The following HDAC4 variants were observed in gnomAD, a reference collection of about 807,000 sequenced individuals.
The protein encoded by HDAC4 is histone deacetylase A.
In HDAC4, 16 loss-of-function variants were observed where a neutral mutation model predicts 135.1. The ratio of observed to expected loss-of-function variants is 0.12; its 90% CI spans 0.08 to 0.18. The LOEUF is 0.18. Among genes scored for constraint, HDAC4 ranks in the 10% least tolerant of loss-of-function variants. The probability of loss-of-function intolerance (pLI) is 1.00; values close to 1 mark genes in which losing one functional copy is unlikely to be tolerated. For synonymous variants in HDAC4, 685 were observed against 653.4 expected, an observed-to-expected ratio of 1.05 and a Z score of -0.74; for missense variants, 1,143 against 1,511.8, an observed-to-expected ratio of 0.76 and a Z score of 4.05.
At chr2:239,264,839 C>T (rs908442939) in intron 2 of HDAC4, among the ~76,000 whole-genome samples, 2 of 152,218 alleles carry the variant, frequency 1.3e-5, no homozygotes, top group African/African-American at 2.4e-5. Flanking sequence ...GGTCCTGCCC[C>T]TTCCTTCCTA....
intron 1 of HDAC4, among the ~76,000 whole-genome samples, chr2:239,391,801 G>A (rs1001706994): frequency 5.3e-5 from 8 of 152,194 alleles, no homozygotes; most frequent in Non-Finnish European, 1.0e-4. Context: ...GAGGAACCAG[G>A]AGAAGGATAC....
intron 1 of HDAC4, among the ~76,000 whole-genome samples, chr2:239,384,764 C>T (rs1215124982): frequency 9.9e-5 from 15 of 152,232 alleles, no homozygotes; most frequent in Non-Finnish European, 2.1e-4. Context: ...CTGTCCCCTG[C>T]TTCTGATCCC....
Position 239,299,303 on chromosome 2 carries a change from T to C in HDAC4, c.22+53375A>G, listed in dbSNP as rs770589868. ...CTCATGATTGGTCCATCCTGTACAA[T>C]AGGTTTATTTGTTTTGTTTCAAATG... On this transcript the variant is annotated intron_variant, in intron 2 of 26. Coordinates refer to ENST00000543185, the MANE Select transcript of HDAC4 (RefSeq NM_001378414.1). The surrounding 1 kb of genome is among the most constrained non-coding windows in gnomAD (Gnocchi z 4.0). 2.6e-5 allele frequency among the ~76,000 whole-genome samples: 4 copies of C among 152,190 alleles called. No individual in the cohort carries two copies. The highest frequency in any genetic ancestry group is 5.9e-5 in the Non-Finnish European group (4 of 68,024).
intron 1 of HDAC4, among the ~76,000 whole-genome samples, chr2:239,378,658 C>A (rs1411470001): frequency 6.6e-6 from 1 of 152,042 alleles, no homozygotes; most frequent in Non-Finnish European, 1.5e-5. Context: ...GAACCAATGA[C>A]CCCGGGAACC....
rs548530744 is a variant in HDAC4, at chr2:239,365,720, G to A, written c.-219-12802C>T. On this transcript the variant is annotated intron_variant, in intron 1 of 26. Transcript: ENST00000543185. The stretch of plus-strand genomic sequence containing the variant: ...CCAGGGGACACACACAGACATGCAT[G>A]CACAGACCAGGGTCGTCAGGGTCAC... 5.9e-5 allele frequency among the ~76,000 whole-genome samples: 9 copies of A among 152,096 alleles called. No individual in the cohort carries two copies. The East Asian group carries it at 9.7e-4, about 16-fold the overall frequency.
At chr2:239,190,174 CGGGGGG>C in intron 3 of HDAC4, 97 bp from the exon 4 acceptor site, 1 of 1,070,328 alleles carries the variant, frequency 9.3e-7, no homozygotes, top group East Asian at 3.5e-5. Flanking sequence ...CTTCACGGGG[CGGGGGG>C]GGGGTTGTGA....
chr2:239,388,771 C>A (rs1696001465), intron 1 of HDAC4, among the ~76,000 whole-genome samples: 1 of 152,254 alleles, frequency 6.6e-6, no homozygotes, highest in Admixed American at 6.5e-5. Flanking sequence ...GGCTTCTCTG[C>A]ATCCAGCCAG....
rs947467497 is a variant in HDAC4, at chr2:239,247,524, G to A, written c.23-10860C>T. Among the ~76,000 whole-genome samples, 32 of 152,174 alleles carry A rather than the reference G, an allele frequency of 2.1e-4. 1 individual carries two copies. The highest frequency in any genetic ancestry group is 8.8e-5 in the Non-Finnish European group (6 of 68,036). On this transcript the variant is annotated intron_variant, in intron 2 of 26. Transcript: ENST00000543185. ...TGCTTCAGTGCCGCAGCCGGGGCCC[G>A]TGCCCTCCACGCCAGGGCATCTGAG...
At chr2:239,294,720 A>G (rs1197446854) in intron 2 of HDAC4, among the ~76,000 whole-genome samples, 3 of 150,564 alleles carry the variant, frequency 2.0e-5, no homozygotes, top group African/African-American at 7.5e-5. Context: ...CCTGCCTCGG[A>G]GGCCTCGGAG....
chr2:239,118,101 C>T (rs2039306452), intron 12 of HDAC4, among the ~76,000 whole-genome samples: 1 of 152,146 alleles, frequency 6.6e-6, no homozygotes, highest in African/African-American at 2.4e-5. Context: ...GAGACGCAGA[C>T]TCACACACAC....
At chr2:239,182,141 G>A (rs1233097113) in intron 4 of HDAC4, among the ~76,000 whole-genome samples, 1 of 152,226 alleles carries the variant, frequency 6.6e-6, no homozygotes, top group African/African-American at 2.4e-5. Context: ...GGGCCACACT[G>A]TCTGCAGATT....
chr2:239,126,756 G>T, intron 11 of HDAC4, 62 bp from the exon 12 acceptor site: 1 of 1,476,112 alleles, frequency 6.8e-7, no homozygotes, highest in Non-Finnish European at 9.4e-7. Context: ...AGGGAGAGAG[G>T]GCTATTGAGT....
Position 239,139,652 on chromosome 2 carries a change from C to T in HDAC4, c.978+32G>A, listed in dbSNP as rs370616966. Reference sequence around the variant, plus strand: ...CATCCGTCCCGAGTCCGACTCTAGCCGTAGGACACAGGACAAACGCTTCGC... The same window carrying T: ...CATCCGTCCCGAGTCCGACTCTAGCTGTAGGACACAGGACAAACGCTTCGC... On this transcript the variant is annotated intron_variant, in intron 9 of 26. Transcript: ENST00000543185. The surrounding 1 kb of genome is among the most constrained non-coding windows in gnomAD (Gnocchi z 5.3). The T allele has an allele frequency of 3.2e-5, 50 of 1,568,946 alleles. 1 individual carries two copies. The highest frequency in any genetic ancestry group is 3.7e-5 in the Non-Finnish European group (42 of 1,138,804).
In HDAC4 at chr2:239,157,929, C is replaced by T. The variant is rs528708293; in HGVS notation, c.612-1156G>A. Among the ~76,000 whole-genome samples the T allele has an allele frequency of 4.6e-5, 7 of 152,298 alleles. No homozygotes were observed. The East Asian group carries it at 1.4e-3, about 29-fold the overall frequency. On this transcript the variant is annotated intron_variant, in intron 6 of 26. Transcript: ENST00000543185. ...TGCATCACAGGAGGAGCTCAGGGAGCTCCGGAAAACTGCACAGCTTCAGGC... is the reference window on the plus strand; with the variant it reads ...TGCATCACAGGAGGAGCTCAGGGAGTTCCGGAAAACTGCACAGCTTCAGGC...
At chr2:239,353,163 G>A (rs1693272173) in intron 1 of HDAC4, among the ~76,000 whole-genome samples, 1 of 152,134 alleles carries the variant, frequency 6.6e-6, no homozygotes, top group Admixed American at 6.5e-5. Flanking sequence ...ACAGGTGCAT[G>A]CCACCAGGCA....
At chr2:239,346,184 CCTGT>C (rs1222700797) in intron 2 of HDAC4, among the ~76,000 whole-genome samples, 3 of 138,026 alleles carry the variant, frequency 2.2e-5, no homozygotes, top group Admixed American at 1.4e-4. Flanking sequence ...ACACACACAC[CCTGT>C]CTAAAACACA....
rs186325327 is a variant in HDAC4 at position 239,287,678 on chromosome 2, A to G, written c.23-51014T>C. Among the ~76,000 whole-genome samples the G allele has an allele frequency of 2.0e-5, 3 of 152,308 alleles. No individual in the cohort carries two copies. In the East Asian group the frequency reaches 5.8e-4, roughly 29 times the overall value. ...AGGAAGATAAGAGCAGGCATTTAAA[A>G]CACAGAAAGCTGACTTACAACTAAG... On this transcript the variant is annotated intron_variant, in intron 2 of 26. Transcript: ENST00000543185.
rs1374404191 is a variant in HDAC4 at position 239,240,997 on chromosome 2, A to G, written c.23-4333T>C. Among the ~76,000 whole-genome samples the G allele has an allele frequency of 1.3e-5, 2 of 152,176 alleles. No homozygotes were observed. Among genetic ancestry groups the G allele is most frequent in the African/African-American group, 4.8e-5 (2 of 41,442 alleles). ...AACCTCACTTTCACCCGGAGGGCCC[A>G]GGCCCCCCACTTCACACTTGGGGAA... On this transcript the variant is annotated intron_variant, in intron 2 of 26. Coordinates refer to ENST00000543185, the MANE Select transcript of HDAC4 (RefSeq NM_001378414.1). The surrounding 1 kb of genome is among the most constrained non-coding windows in gnomAD (Gnocchi z 4.5).
chr2:239,270,977 ATC>A (rs1260077707), intron 2 of HDAC4, among the ~76,000 whole-genome samples: 1 of 152,190 alleles, frequency 6.6e-6, no homozygotes, highest in Admixed American at 6.5e-5. Flanking sequence ...TTAGTTACAA[ATC>A]TCTGAAAATA....
Sources: gnomAD v4.1 joint callset for allele counts (sites outside exome capture counted in the v4.1 genomes callset) on GRCh38, gnomAD v4.1.1 for gene constraint, Gnocchi (gnomAD v3.1) non-coding constraint, MANE v1.5 for transcripts, NCBI Gene and HGNC (gene_info 2026-07-23, HGNC 2026-07-21) for gene names.